PPARD: variants seen among roughly 807,000 people sequenced by gnomAD.
PPARD encodes peroxisome proliferator-activated receptor delta.
In PPARD, 6 loss-of-function variants were observed where a neutral mutation model predicts 39.5. The ratio of observed to expected loss-of-function variants is 0.15; its 90% CI spans 0.08 to 0.30. PPARD has a LOEUF of 0.30. Among genes scored for constraint, PPARD ranks in the 10% least tolerant of loss-of-function variants. The pLI, the probability that PPARD is intolerant of heterozygous loss-of-function variation, is 1.00. For missense variants in PPARD, 397 were observed against 596.8 expected, an observed-to-expected ratio of 0.67 and a Z score of 3.49; for synonymous variants, 210 against 231.3, an observed-to-expected ratio of 0.91 and a Z score of 0.83.
chr6:35,400,274 G>C (rs991779952), intron 2 of PPARD, among the ~76,000 whole-genome samples: 4 of 152,180 alleles, frequency 2.6e-5, no homozygotes, highest in Non-Finnish European at 2.9e-5. Context: ...CTTACCACCA[G>C]CCTTCGTCCC....
At chr6:35,353,593 T>G (rs1761388646) in intron 2 of PPARD, among the ~76,000 whole-genome samples, 1 of 152,192 alleles carries the variant, frequency 6.6e-6, no homozygotes, top group Non-Finnish European at 1.5e-5. Context: ...TTAACACCAC[T>G]AACCATGTTT....
At chr6:35,367,707 T>C (rs917521739) in intron 2 of PPARD, among the ~76,000 whole-genome samples, 1 of 152,252 alleles carries the variant, frequency 6.6e-6, no homozygotes, top group Non-Finnish European at 1.5e-5. Flanking sequence ...TTAGCTGCAC[T>C]GTAATGTCCA....
chr6:35,399,399 C>CAA (rs10539871), intron 2 of PPARD, among the ~76,000 whole-genome samples: 3 of 95,510 alleles, frequency 3.1e-5, no homozygotes, highest in Non-Finnish European at 6.4e-5. Context: ...GACTCTGTCT[C>CAA]AAAAAAAAAA....
chr6:35,345,874 G>C (rs1204181912), intron 1 of PPARD, among the ~76,000 whole-genome samples: 1 of 114,612 alleles, frequency 8.7e-6, no homozygotes, highest in Non-Finnish European at 1.8e-5. Flanking sequence ...CTTTTTTTTC[G>C]TTTTTTTTTT....
chr6:35,388,380 T>C (rs1763807349), intron 2 of PPARD, among the ~76,000 whole-genome samples: 1 of 151,940 alleles, frequency 6.6e-6, no homozygotes. Context: ...AGGGGAGAGC[T>C]TCCGGGAAGG....
At chr6:35,380,337 A>G (rs539455448) in intron 2 of PPARD, among the ~76,000 whole-genome samples, 5 of 152,276 alleles carry the variant, frequency 3.3e-5, no homozygotes, top group Non-Finnish European at 7.4e-5. Flanking sequence ...TCACAGTGAG[A>G]TAGAAGAAGA....
chr6:35,364,823 C>T (rs1762110077), intron 2 of PPARD, among the ~76,000 whole-genome samples: 1 of 151,764 alleles, frequency 6.6e-6, no homozygotes, highest in South Asian at 2.1e-4. Context: ...GATTCTTCTG[C>T]CTCAGCCTCC....
Position 35,403,802 on chromosome 6 carries a change from G to A in PPARD, c.-101-7185G>A, listed in dbSNP as rs927070398. Among the ~76,000 whole-genome samples, 91 of 152,190 alleles carry A rather than the reference G, an allele frequency of 6.0e-4. 1 individual carries two copies. Among genetic ancestry groups the A allele is most frequent in the East Asian group, 1.3e-3 (7 of 5,198 alleles). On this transcript the variant is annotated intron_variant, in intron 2 of 7. Transcript: ENST00000360694. Reference sequence around the variant, plus strand: ...CCGGAAGAGGAGGTGCAGACAGGTCGCGAAGGAGAGAAGGTTTTAGCTAGT... The same window carrying A: ...CCGGAAGAGGAGGTGCAGACAGGTCACGAAGGAGAGAAGGTTTTAGCTAGT...
intron 2 of PPARD, among the ~76,000 whole-genome samples, chr6:35,398,891 A>T (rs1382438833): frequency 1.3e-5 from 2 of 152,094 alleles, no homozygotes; most frequent in Non-Finnish European, 2.9e-5. Context: ...AGGTGGGTGG[A>T]TCACTTGAGG....
At chr6:35,347,184 C>A in intron 2 of PPARD, 34 bp downstream of exon 2, 1 of 1,534,196 alleles carries the variant, frequency 6.5e-7, no homozygotes, top group Non-Finnish European at 8.7e-7. Flanking sequence ...GGGTCTCTGA[C>A]CACCACTGAC....
chr6:35,419,009 G>A (rs1372266301), intron 3 of PPARD, among the ~76,000 whole-genome samples: 1 of 152,178 alleles, frequency 6.6e-6, no homozygotes, highest in Admixed American at 6.5e-5. Context: ...TCCCATGGTG[G>A]GGAAATCAAA....
intron 2 of PPARD, among the ~76,000 whole-genome samples, chr6:35,399,372 C>T (rs1764545945): frequency 1.5e-5 from 2 of 134,882 alleles, no homozygotes; most frequent in Non-Finnish European, 3.0e-5. Context: ...TATACTCCAG[C>T]CTGGACGACA....
intron 2 of PPARD, among the ~76,000 whole-genome samples, chr6:35,389,633 G>A (rs529419028): frequency 6.6e-6 from 1 of 152,232 alleles, no homozygotes; most frequent in South Asian, 2.1e-4. Context: ...TTTTATGGTG[G>A]TATATAAATG....
At chr6:35,382,286 T>C (rs1763196258) in intron 2 of PPARD, among the ~76,000 whole-genome samples, 1 of 152,176 alleles carries the variant, frequency 6.6e-6, no homozygotes, top group African/African-American at 2.4e-5. Context: ...CAGGAGACTT[T>C]ACTCCAGGAA....
At chr6:35,395,746 G>A (rs773504780) in intron 2 of PPARD, among the ~76,000 whole-genome samples, 4 of 152,186 alleles carry the variant, frequency 2.6e-5, no homozygotes, top group African/African-American at 9.7e-5. Flanking sequence ...GAATAGTAGC[G>A]AGAGGCAGTA....
At chr6:35,384,825 G>A (rs1200421416) in intron 2 of PPARD, among the ~76,000 whole-genome samples, 1 of 71,016 alleles carries the variant, frequency 1.4e-5, no homozygotes, top group Non-Finnish European at 2.8e-5. Context: ...GCCCCGTCCG[G>A]GAGGGAGGTG....
At chr6:35,389,195 G>A (rs968243051) in intron 2 of PPARD, among the ~76,000 whole-genome samples, 3 of 152,180 alleles carry the variant, frequency 2.0e-5, no homozygotes, top group South Asian at 2.1e-4. Flanking sequence ...CAAAAAAAGC[G>A]GAGTAGTTAC....
intron 2 of PPARD, among the ~76,000 whole-genome samples, chr6:35,386,055 G>A (rs1763637426): frequency 6.6e-6 from 1 of 152,124 alleles, no homozygotes; most frequent in African/African-American, 2.4e-5. Context: ...GTCCTCGGGA[G>A]GAAGTGGTTG....
chr6:35,367,583 A>G (rs1210367283), intron 2 of PPARD, among the ~76,000 whole-genome samples: 1 of 152,246 alleles, frequency 6.6e-6, no homozygotes, highest in Non-Finnish European at 1.5e-5. Context: ...CACCTGTGAA[A>G]CTCAGTAGTT....
Sources: gnomAD v4.1 joint callset for allele counts (sites outside exome capture counted in the v4.1 genomes callset) on GRCh38, gnomAD v4.1.1 for gene constraint, MANE v1.5 for transcripts, NCBI Gene and HGNC (gene_info 2026-07-23, HGNC 2026-07-21) for gene names.